NELL2: variants seen among roughly 807,000 people sequenced by gnomAD.
The protein encoded by NELL2 is neural EGFL like 2, also known as protein kinase C-binding protein NELL2.
NELL2 carries 41 observed loss-of-function variants against 109.6 expected under a neutral mutation model. That is an observed-to-expected ratio of 0.37 (90% confidence interval 0.29 to 0.49). NELL2 has a LOEUF of 0.49. Ranked by LOEUF, NELL2 falls within the 20% of genes least tolerant of loss-of-function variation. The pLI, the probability that NELL2 is intolerant of heterozygous loss-of-function variation, is 0.98. For synonymous variants in NELL2, 355 were observed against 344.7 expected (o/e 1.03, Z -0.33); for missense variants, 900 against 1,008.3 (o/e 0.89, Z 1.45).
chr12:44,788,796 A>G (rs915381625), intron 3 of NELL2, among the ~76,000 whole-genome samples: 3 of 152,130 alleles, frequency 2.0e-5, no homozygotes, highest in African/African-American at 7.2e-5. Flanking sequence ...CACCACCTGG[A>G]AACAGACTCG....
intron 13 of NELL2, among the ~76,000 whole-genome samples, chr12:44,654,963 G>C (rs1374531915): frequency 1.3e-5 from 2 of 152,130 alleles, no homozygotes; most frequent in African/African-American, 4.8e-5. Flanking sequence ...GGAAATGAAA[G>C]GCATCTGTTG....
chr12:44,915,694 C>T (rs1945823641), upstream of NELL2, among the ~76,000 whole-genome samples: 1 of 152,044 alleles, frequency 6.6e-6, no homozygotes, highest in Non-Finnish European at 1.5e-5. Context: ...ATGAAGAGCC[C>T]AAGGTCCGGC....
At chr12:44,843,972 T>C (rs1944300663) in intron 2 of NELL2, among the ~76,000 whole-genome samples, 1 of 152,030 alleles carries the variant, frequency 6.6e-6, no homozygotes, top group South Asian at 2.1e-4. Context: ...CAATCAGCCA[T>C]GATTGTGTCA....
At chr12:44,857,346 T>C (rs1385524951) in intron 2 of NELL2, among the ~76,000 whole-genome samples, 1 of 152,148 alleles carries the variant, frequency 6.6e-6, no homozygotes, top group Non-Finnish European at 1.5e-5. Flanking sequence ...ACAAGGACTT[T>C]AGATTGTAGA....
At chr12:44,834,118 C>T (rs1387580431) in intron 2 of NELL2, among the ~76,000 whole-genome samples, 1 of 152,080 alleles carries the variant, frequency 6.6e-6, no homozygotes, top group Non-Finnish European at 1.5e-5. Context: ...GTAAAAGATA[C>T]AATAATTTCC....
chr12:44,888,858 A>ATAAT (rs1945503867), intron 1 of NELL2, among the ~76,000 whole-genome samples: 1 of 151,904 alleles, frequency 6.6e-6, no homozygotes, highest in Non-Finnish European at 1.5e-5. Flanking sequence ...AAATAAATAA[A>ATAAT]TAAATAAGAG....
intron 15 of NELL2, among the ~76,000 whole-genome samples, chr12:44,588,321 C>T (rs1944617601): frequency 6.6e-6 from 1 of 152,156 alleles, no homozygotes; most frequent in Admixed American, 6.5e-5. Flanking sequence ...AGCCTTGTGC[C>T]TCCTCTCTGA....
intron 3 of NELL2, among the ~76,000 whole-genome samples, chr12:44,800,973 G>A (rs1246312548): frequency 6.6e-6 from 1 of 152,088 alleles, no homozygotes; most frequent in Non-Finnish European, 1.5e-5. Flanking sequence ...TAAGAGCCAA[G>A]GAAGAAGGCA....
Position 44,816,066 on chromosome 12 carries a change from A to G in NELL2, c.255T>C (p.His85=), listed in dbSNP as rs34275629. The G allele has an allele frequency of 9.2e-4, 1,484 of 1,613,780 alleles. 13 individuals are homozygous for G. In the African/African-American group the frequency reaches 0.017, roughly 18 times the overall value. Reference sequence around the variant, plus strand: ...TTAGGGTCACCAAAATAGTAAATTCATGTTTATTTCTCAGCTTCTGAAAAA... The same window carrying G: ...TTAGGGTCACCAAAATAGTAAATTCGTGTTTATTTCTCAGCTTCTGAAAAA... ...EQFFQKLRNK[H]EFTILVTLKQ... The change falls in exon 3 of 20, where the codon CAT becomes CAC. Residue 85 remains histidine, a synonymous_variant. Coordinates refer to ENST00000429094, the MANE Select transcript of NELL2 (RefSeq NM_001145108.2).
upstream of NELL2, among the ~76,000 whole-genome samples, chr12:44,916,161 A>T (rs1219028031): frequency 6.6e-6 from 1 of 152,238 alleles, no homozygotes; most frequent in East Asian, 1.9e-4. Flanking sequence ...GACACAGCAG[A>T]TAATAGGCAA....
chr12:44,566,564 C>G (rs74087615), intron 15 of NELL2, among the ~76,000 whole-genome samples: 4 of 129,896 alleles, frequency 3.1e-5, no homozygotes, highest in African/African-American at 1.3e-4. Flanking sequence ...CACACACACA[C>G]ACAGAGTTTT....
At chr12:44,660,333 T>C (rs1947694344) in intron 13 of NELL2, among the ~76,000 whole-genome samples, 1 of 152,234 alleles carries the variant, frequency 6.6e-6, no homozygotes, top group Non-Finnish European at 1.5e-5. Flanking sequence ...CCTAGCGTCC[T>C]GTGCCAGATA....
intron 15 of NELL2, among the ~76,000 whole-genome samples, chr12:44,563,052 A>G (rs755700035): frequency 2.0e-5 from 3 of 152,206 alleles, no homozygotes; most frequent in Non-Finnish European, 2.9e-5. Context: ...CATTCTCAGC[A>G]AACTAACACA....
In NELL2 at chr12:44,703,722, T is replaced by A. The variant is rs199653923; in HGVS notation, c.1318+4A>T. ...GCTGAGCTACACATCATTACAAGGA[T>A]TACCTTCACAGTAGGCATTATCCTC... is the stretch of plus-strand genomic sequence containing the variant. On this transcript the variant is annotated splice_donor_region_variant and intron_variant, in intron 12 of 19. Coordinates refer to ENST00000429094, the MANE Select transcript of NELL2 (RefSeq NM_001145108.2). 1 of 1,613,184 alleles carries A rather than the reference T, an allele frequency of 6.2e-7. No homozygotes were observed. The highest frequency in any genetic ancestry group is 2.2e-5 in the East Asian group (1 of 44,814).
intron 12 of NELL2, among the ~76,000 whole-genome samples, chr12:44,683,214 T>A (rs1465758803): frequency 6.6e-6 from 1 of 152,188 alleles, no homozygotes; most frequent in Non-Finnish European, 1.5e-5. Context: ...GATTTGGCTC[T>A]CTGTTTGCCT....
At chr12:44,919,808 A>G (rs1405847163) in intron 1 of NELL2, among the ~76,000 whole-genome samples, 2 of 152,196 alleles carry the variant, frequency 1.3e-5, no homozygotes, top group African/African-American at 4.8e-5. Flanking sequence ...TCTGTTGTTT[A>G]AGGCATTCAG....
At chr12:44,587,934 G>T (rs1372065929) in intron 15 of NELL2, among the ~76,000 whole-genome samples, 1 of 151,142 alleles carries the variant, frequency 6.6e-6, no homozygotes, top group African/African-American at 2.4e-5. Flanking sequence ...GGCGGATCAC[G>T]AGGTCAGGAG....
At chr12:44,664,515 C>G (rs1013830833) in intron 13 of NELL2, among the ~76,000 whole-genome samples, 1 of 152,036 alleles carries the variant, frequency 6.6e-6, no homozygotes, top group Admixed American at 6.6e-5. Flanking sequence ...AAGCAGACAA[C>G]TAAAACAAAG....
chr12:44,769,475 T>A (rs745744081), intron 9 of NELL2, among the ~76,000 whole-genome samples: 23 of 152,048 alleles, frequency 1.5e-4, no homozygotes, highest in Non-Finnish European at 7.4e-5. Context: ...TGGGTGAGGG[T>A]GTGGGGCAAC....
Sources: allele counts gnomAD v4.1 joint callset (sites outside exome capture counted in the v4.1 genomes callset), GRCh38; gene constraint gnomAD v4.1.1; transcripts MANE v1.5; gene names NCBI Gene and HGNC (gene_info 2026-07-23, HGNC 2026-07-21).